Variants in NDUFS4 observed in about 807,000 individuals in gnomAD.
NDUFS4 encodes the protein NADH dehydrogenase [ubiquinone] iron-sulfur protein 4, mitochondrial.
NDUFS4 carries 28 observed loss-of-function variants against 24.3 expected under a neutral mutation model. That is an observed-to-expected ratio of 1.15 (90% CI 0.85 to 1.58). The LOEUF is 1.58. Among genes scored for constraint, NDUFS4 ranks in the 40% most tolerant of loss-of-function variants. The pLI, the probability that NDUFS4 is intolerant of heterozygous loss-of-function variation, is 0.00. For missense variants in NDUFS4, 223 were observed against 207.9 expected (o/e 1.07, Z -0.45); for synonymous variants, 93 against 69.7 (o/e 1.34, Z -1.67).
chr5:53,659,544 C>T (rs1026504453), intron 4 of NDUFS4, among the ~76,000 whole-genome samples: 2 of 152,052 alleles, frequency 1.3e-5, no homozygotes, highest in Non-Finnish European at 2.9e-5. Flanking sequence ...TAGTTCTGAC[C>T]TTCACCTCCC....
intron 1 of NDUFS4, among the ~76,000 whole-genome samples, chr5:53,587,450 A>G (rs1313511452): frequency 6.6e-6 from 1 of 152,164 alleles, no homozygotes; most frequent in East Asian, 1.9e-4. Flanking sequence ...CTTATTTTGC[A>G]TATATATGTA....
At chr5:53,670,738 A>T (rs1177949074) in intron 4 of NDUFS4, among the ~76,000 whole-genome samples, 2 of 151,428 alleles carry the variant, frequency 1.3e-5, no homozygotes, top group Non-Finnish European at 2.9e-5. Flanking sequence ...TTATTAAGAA[A>T]TACAGTTCTA....
chr5:53,564,915 C>A (rs1427679722), intron 1 of NDUFS4, among the ~76,000 whole-genome samples: 1 of 152,174 alleles, frequency 6.6e-6, no homozygotes, highest in African/African-American at 2.4e-5. Context: ...GTTTGAATGG[C>A]CTGAATGTTT....
intron 4 of NDUFS4, among the ~76,000 whole-genome samples, chr5:53,664,195 G>C (rs939447268): frequency 2.0e-5 from 3 of 152,218 alleles, no homozygotes; most frequent in Non-Finnish European, 4.4e-5. Flanking sequence ...TTTGCCAAGA[G>C]ATCAGCTGTT....
intron 1 of NDUFS4, among the ~76,000 whole-genome samples, chr5:53,575,874 A>G (rs1749369968): frequency 6.6e-6 from 1 of 152,054 alleles, no homozygotes; most frequent in Non-Finnish European, 1.5e-5. Flanking sequence ...GTTGATTCTC[A>G]ACTGTGGTGG....
At chr5:53,640,001 G>A (rs1051261368) in intron 2 of NDUFS4, among the ~76,000 whole-genome samples, 11 of 152,054 alleles carry the variant, frequency 7.2e-5, no homozygotes, top group Non-Finnish European at 1.5e-5. Context: ...AGGTGAGTTA[G>A]TGACTGAGGA....
chr5:53,637,172 G>T (rs1379834914), intron 2 of NDUFS4, among the ~76,000 whole-genome samples: 2 of 151,732 alleles, frequency 1.3e-5, no homozygotes, highest in African/African-American at 2.4e-5. Context: ...ATAAGACTTT[G>T]CATTCGTAGA....
intron 1 of NDUFS4, among the ~76,000 whole-genome samples, chr5:53,570,644 G>A (rs1749178080): frequency 7.0e-6 from 1 of 142,152 alleles, no homozygotes; most frequent in South Asian, 2.3e-4. Context: ...AGTTTTAGTT[G>A]TTTTGCATCC....
At position 53,646,364 on chromosome 5, in the gene NDUFS4, C is replaced by A. The variant is rs757124652; in HGVS notation, c.309C>A (p.Thr103=). The change falls in exon 3 of 5, where the codon ACC becomes ACA. Residue 103 remains threonine, a synonymous_variant. Coordinates refer to ENST00000296684, the MANE Select transcript of NDUFS4 (RefSeq NM_002495.4). ...NTKKWKMEFD[T]RERWENPLMG... ...AGAAATGGAAGATGGAGTTTGATACCAGAGAGCGATGGGAAAATCCTTTGA... is the reference window on the plus strand; with the variant it reads ...AGAAATGGAAGATGGAGTTTGATACAAGAGAGCGATGGGAAAATCCTTTGA... The A allele has an allele frequency of 1.2e-5, 20 of 1,613,614 alleles. No homozygotes were observed. The highest frequency in any genetic ancestry group is 1.7e-5 in the Non-Finnish European group (20 of 1,179,826).
At chr5:53,625,529 C>T (rs115824493) in intron 2 of NDUFS4, among the ~76,000 whole-genome samples, 192 of 152,238 alleles carry the variant, frequency 1.3e-3, no homozygotes, top group African/African-American at 4.6e-3. Context: ...CACTGAGGCC[C>T]AGTTTGACTT....
At chr5:53,582,210 C>CAAAAT (rs374195906) in intron 1 of NDUFS4, among the ~76,000 whole-genome samples, 1,771 of 117,796 alleles carry the variant, frequency 0.015, 23 homozygotes, top group Middle Eastern at 0.046. Context: ...GACTCTGTCT[C>CAAAAT]AAAATAAAAT....
chr5:53,567,309 CTCTG>C (rs1411065881), intron 1 of NDUFS4, among the ~76,000 whole-genome samples: 3 of 152,172 alleles, frequency 2.0e-5, no homozygotes, highest in Non-Finnish European at 4.4e-5. Context: ...CTAATGTCCT[CTCTG>C]TTTTTTCTGC....
rs376074240 is a variant in NDUFS4, at chr5:53,634,854, C to A, written c.178-11379C>A. 2.3e-4 allele frequency among the ~76,000 whole-genome samples: 35 copies of A among 151,982 alleles called. No homozygotes were observed. The South Asian group carries it at 6.9e-3, about 30-fold the overall frequency. On this transcript the variant is annotated intron_variant, in intron 2 of 4. Coordinates refer to ENST00000296684, the MANE Select transcript of NDUFS4 (RefSeq NM_002495.4). ...TTTATTATAGCTTCTGAAAAGCTGC[C>A]AGGTATCCTAAGATAGGTACATGAC...
intron 4 of NDUFS4, among the ~76,000 whole-genome samples, chr5:53,673,758 T>G (rs2111582325): frequency 6.6e-6 from 1 of 152,306 alleles, no homozygotes; most frequent in Middle Eastern, 3.4e-3. Context: ...CCAAAGTGAC[T>G]GATTCCATAG....
intron 1 of NDUFS4, among the ~76,000 whole-genome samples, chr5:53,572,970 G>GTTTTTTTTTTTT (rs34978747): frequency 1.5e-4 from 17 of 111,178 alleles, no homozygotes; most frequent in South Asian, 6.1e-4. Context: ...TTTTTTTTTT[G>GTTTTTTTTTTTT]TTTTTTTTTT....
chr5:53,587,572 C>A (rs1749802928), intron 1 of NDUFS4, among the ~76,000 whole-genome samples: 1 of 126,508 alleles, frequency 7.9e-6, no homozygotes. Flanking sequence ...GTATTCCATC[C>A]CTAAATACTT....
chr5:53,626,321 G>C (rs184440836), intron 2 of NDUFS4, among the ~76,000 whole-genome samples: 4 of 152,140 alleles, frequency 2.6e-5, no homozygotes, highest in African/African-American at 9.6e-5. Context: ...AGTCTTTGCT[G>C]TCGTGAACAC....
At position 53,658,953 on chromosome 5, in the gene NDUFS4, T is replaced by C. The variant is rs139214254; in HGVS notation, c.424+329T>C. On this transcript the variant is annotated intron_variant, in intron 4 of 4. Transcript: ENST00000296684. ...TTGTTGAACTTCAATTGAACATATA[T>C]GGCAGCCTATTCTAGTTTTGACACC... Among the ~76,000 whole-genome samples, 514 of 152,278 alleles carry C rather than the reference T, an allele frequency of 3.4e-3. 2 individuals are homozygous for C. Among genetic ancestry groups the C allele is most frequent in the African/African-American group, 0.011 (458 of 41,568 alleles).
chr5:53,574,430 G>A (rs1181868147), intron 1 of NDUFS4, among the ~76,000 whole-genome samples: 2 of 152,126 alleles, frequency 1.3e-5, no homozygotes, highest in Non-Finnish European at 2.9e-5. Flanking sequence ...TTGTGGTGTT[G>A]AATTCTTTTC....
Sources: gnomAD v4.1 joint callset for allele counts (sites outside exome capture counted in the v4.1 genomes callset) on GRCh38, gnomAD v4.1.1 for gene constraint, MANE v1.5 for transcripts, NCBI Gene and HGNC (gene_info 2026-07-23, HGNC 2026-07-21) for gene names.